The following GALK2 variants were observed in gnomAD, a reference collection of about 807,000 sequenced individuals.
GALK2 encodes galactokinase 2, also known as N-acetylgalactosamine kinase.
In GALK2, 36 loss-of-function variants were observed where a neutral mutation model predicts 52.4. The ratio of observed to expected loss-of-function variants is 0.69; its 90% CI spans 0.53 to 0.91. GALK2 has a LOEUF of 0.91. GALK2 is among the 40% of genes least tolerant of loss of function. GALK2 has a pLI of 0.00. For synonymous variants in GALK2, 176 were observed against 199.1 expected, an observed-to-expected ratio of 0.88 and a Z score of 0.98; for missense variants, 579 against 559.1, an observed-to-expected ratio of 1.04 and a Z score of -0.36.
chr15:49,186,101 C>T (rs1188636398), intron 1 of GALK2, among the ~76,000 whole-genome samples: 1 of 152,090 alleles, frequency 6.6e-6, no homozygotes, highest in East Asian at 1.9e-4. Context: ...TGTGTTAAAT[C>T]TGCTTGGTGT....
chr15:49,244,484 A>G (rs2091253284), intron 5 of GALK2, among the ~76,000 whole-genome samples: 1 of 152,240 alleles, frequency 6.6e-6, no homozygotes, highest in South Asian at 2.1e-4. Flanking sequence ...CAAAAACAGT[A>G]TTGGAAGATA....
At chr15:49,339,420 CA>C (rs902829522) in intron 3 of GALK2, among the ~76,000 whole-genome samples, 37 of 152,148 alleles carry the variant, frequency 2.4e-4, no homozygotes, top group African/African-American at 8.4e-4. Context: ...AGGTCCGCCC[CA>C]GACCCTGTTT....
intron 8 of GALK2, among the ~76,000 whole-genome samples, chr15:49,318,360 A>T (rs1227207357): frequency 6.6e-6 from 1 of 152,232 alleles, no homozygotes; most frequent in Non-Finnish European, 1.5e-5. Flanking sequence ...GACCACAGAG[A>T]TAACTAATAT....
chr15:49,224,115 G>A (rs1399661048), intron 3 of GALK2, among the ~76,000 whole-genome samples: 1 of 151,916 alleles, frequency 6.6e-6, no homozygotes, highest in Non-Finnish European at 1.5e-5. Flanking sequence ...TCTCATTGTG[G>A]TTTTGATTTG....
chr15:49,217,731 GA>G (rs1463751014), intron 3 of GALK2, among the ~76,000 whole-genome samples: 2 of 152,128 alleles, frequency 1.3e-5, no homozygotes, highest in African/African-American at 4.8e-5. Flanking sequence ...TCACCCAGTA[GA>G]CTGTAAACTC....
At chr15:49,319,518 GAA>G (rs1480534495) in intron 8 of GALK2, 84 bp from the exon 9 acceptor site, 1 of 1,073,286 alleles carries the variant, frequency 9.3e-7, no homozygotes, top group Non-Finnish European at 1.4e-6. Context: ...AAACAGAAAT[GAA>G]AGTCTTTAAA....
At chr15:49,281,942 T>C (rs1238707080) in intron 5 of GALK2, 45 bp from the exon 6 acceptor site, 2 of 1,363,760 alleles carry the variant, frequency 1.5e-6, no homozygotes, top group East Asian at 4.6e-5. Flanking sequence ...GAATGAGAAA[T>C]GGGTTATGAC....
intron 4 of GALK2, among the ~76,000 whole-genome samples, chr15:49,237,634 G>C (rs1017366155): frequency 6.6e-6 from 1 of 151,762 alleles, no homozygotes; most frequent in Non-Finnish European, 1.5e-5. Context: ...CTGCCACCGC[G>C]CCTGGCTAAT....
intron 8 of GALK2, among the ~76,000 whole-genome samples, chr15:49,300,634 C>G (rs1332419432): frequency 6.6e-6 from 1 of 152,028 alleles, no homozygotes; most frequent in East Asian, 1.9e-4. Flanking sequence ...AATCACGGTG[C>G]CAGTTATCCC....
chr15:49,358,295 T>C (rs1184289542), intron 3 of GALK2, among the ~76,000 whole-genome samples: 1 of 126,218 alleles, frequency 7.9e-6, no homozygotes, highest in Non-Finnish European at 1.7e-5. Flanking sequence ...GGAAGTCAAA[T>C]TGTCCCTGTT....
intron 2 of GALK2, among the ~76,000 whole-genome samples, chr15:49,211,662 G>A (rs2088897239): frequency 6.6e-6 from 1 of 152,170 alleles, no homozygotes. Flanking sequence ...GAAAGCCTCA[G>A]GAAACTTACA....
intron 8 of GALK2, among the ~76,000 whole-genome samples, chr15:49,299,864 G>A (rs1194295275): frequency 6.7e-6 from 1 of 149,652 alleles, no homozygotes; most frequent in African/African-American, 2.5e-5. Context: ...TTTATGGCTG[G>A]GCATGTGGTC....
intron 3 of GALK2, among the ~76,000 whole-genome samples, chr15:49,341,724 C>A (rs1256115754): frequency 6.6e-6 from 1 of 152,068 alleles, no homozygotes; most frequent in Non-Finnish European, 1.5e-5. Context: ...TTGCTGCATC[C>A]CAGAGATTTT....
intron 3 of GALK2, among the ~76,000 whole-genome samples, chr15:49,227,357 A>T (rs2090193164): frequency 6.6e-6 from 1 of 151,812 alleles, no homozygotes; most frequent in African/African-American, 2.4e-5. Context: ...TGCTAATTTG[A>T]TCCCTTTGTC....
intron 7 of GALK2, among the ~76,000 whole-genome samples, chr15:49,289,228 T>C (rs1021484573): frequency 4.6e-5 from 7 of 152,248 alleles, no homozygotes; most frequent in Admixed American, 6.5e-5. Context: ...TGGGAAGTAA[T>C]AGGCACTCAG....
intron 8 of GALK2, among the ~76,000 whole-genome samples, chr15:49,312,541 C>T (rs1321753316): frequency 1.3e-5 from 2 of 152,188 alleles, no homozygotes; most frequent in Non-Finnish European, 2.9e-5. Context: ...CTGAGTCATA[C>T]TACTGTCCTC....
At chr15:49,366,761 T>C in intron 3 of GALK2, 1 of 714,338 alleles carries the variant, frequency 1.4e-6, no homozygotes, top group Non-Finnish European at 2.3e-6. Context: ...GCCACTGCGC[T>C]GCCTCCGTGG....
Position 49,367,608 on chromosome 15 carries a change from A to G in GALK2, c.*72A>G, listed in dbSNP as rs1596613924. The stretch of plus-strand genomic sequence containing the variant: ...TCTGGACCAGTACTACTATAGTGCG[A>G]CTGTAAGAGGAAGAAAATAATCAAG... On this transcript the variant is annotated 3_prime_UTR_variant, in exon 4 of 4. Transcript: ENST00000558399. The G allele has an allele frequency of 1.3e-6, 2 of 1,550,232 alleles. No homozygotes were observed. The highest frequency in any genetic ancestry group is 2.8e-5 in the African/African-American group (2 of 70,556).
At chr15:49,227,955 A>G (rs2090230823) in intron 3 of GALK2, among the ~76,000 whole-genome samples, 2 of 152,150 alleles carry the variant, frequency 1.3e-5, no homozygotes, top group South Asian at 4.1e-4. Context: ...GAAAGACTTC[A>G]GTTCTCCTTC....
Sources: gnomAD v4.1 joint callset for allele counts (sites outside exome capture counted in the v4.1 genomes callset) on GRCh38, gnomAD v4.1.1 for gene constraint, MANE v1.5 for transcripts, NCBI Gene and HGNC (gene_info 2026-07-23, HGNC 2026-07-21) for gene names.